The following SLC35A1 variants were observed in gnomAD, a reference collection of about 807,000 sequenced individuals.
The protein encoded by SLC35A1 is solute carrier family 35 member A1, also known as CMP-sialic acid transporter.
In SLC35A1, 21 loss-of-function variants were observed where a neutral mutation model predicts 40.3. The observed-to-expected ratio is 0.52, with a 90% CI of 0.37 to 0.75. SLC35A1 has a LOEUF of 0.75. Ranked by LOEUF, SLC35A1 falls within the 30% of genes least tolerant of loss-of-function variation. The pLI is 0.00. For synonymous variants in SLC35A1, 146 were observed against 147.3 expected, an observed-to-expected ratio of 0.99 and a Z score of 0.06; for missense variants, 297 against 382.1, an observed-to-expected ratio of 0.78 and a Z score of 1.86.
chr6:87,475,420 C>T (rs1769039619), intron 1 of SLC35A1, among the ~76,000 whole-genome samples: 1 of 152,122 alleles, frequency 6.6e-6, no homozygotes, highest in Non-Finnish European at 1.5e-5. Flanking sequence ...TATTTCTTCC[C>T]TTGTGTAGGA....
At chr6:87,498,510 A>G (rs1769810865) in intron 2 of SLC35A1, among the ~76,000 whole-genome samples, 1 of 152,188 alleles carries the variant, frequency 6.6e-6, no homozygotes, top group Non-Finnish European at 1.5e-5. Flanking sequence ...GCAGTGGCTC[A>G]TGCCTGTAAT....
chr6:87,484,110 G>A (rs1354881941), intron 2 of SLC35A1, among the ~76,000 whole-genome samples: 1 of 152,198 alleles, frequency 6.6e-6, no homozygotes, highest in Non-Finnish European at 1.5e-5. Context: ...AGTCATTGCT[G>A]TGGTATGTGA....
rs111306819 is a variant in SLC35A1 at position 87,476,322 on chromosome 6, C to G, written c.17-1040C>G. 9.7e-3 allele frequency among the ~76,000 whole-genome samples: 1,479 copies of G among 152,334 alleles called. 12 individuals are homozygous for G. Among genetic ancestry groups the G allele is most frequent in the African/African-American group, 0.034 (1,420 of 41,562 alleles). On this transcript the variant is annotated intron_variant, in intron 1 of 7. Coordinates refer to ENST00000369552, the MANE Select transcript of SLC35A1 (RefSeq NM_006416.5). ...AAAAAGTTTTATATTAAGCCCCACT[C>G]ATTTCTCAATTATTATTTTCTTTCT...
At chr6:87,501,744 C>G (rs541151805) in intron 4 of SLC35A1, among the ~76,000 whole-genome samples, 2 of 152,340 alleles carry the variant, frequency 1.3e-5, no homozygotes, top group Admixed American at 1.3e-4. Context: ...TTCATCTTCT[C>G]TCTCAACTGT....
At position 87,511,456 on chromosome 6, in the gene SLC35A1, TA is replaced by T; in HGVS notation, c.945del (p.Leu315PhefsTer29). 1.2e-6 allele frequency: 2 copies of T among 1,613,018 alleles called. No individual in the cohort carries two copies. The highest frequency in any genetic ancestry group is 1.7e-6 in the Non-Finnish European group (2 of 1,179,008). ...LVCVSIYLYGLPRQDTTSIQQ... is the reference protein window; with the variant it reads ...LVCVSIYLYGXPRQDTTSIQQ... ...TGTGTTTCCATATATCTCTATGGAT[TA>T]CCCAGACAAGACACTACATCCATCC... On this transcript the variant is annotated frameshift_variant, in exon 8 of 8. Coordinates refer to ENST00000369552, the MANE Select transcript of SLC35A1 (RefSeq NM_006416.5). LOFTEE classifies it high-confidence loss of function.
chr6:87,497,785 G>A (rs1454133502), intron 2 of SLC35A1, among the ~76,000 whole-genome samples: 1 of 152,066 alleles, frequency 6.6e-6, no homozygotes, highest in Non-Finnish European at 1.5e-5. Context: ...CTGGAGTGCA[G>A]TGGTGGCATC....
intron 5 of SLC35A1, chr6:87,506,851 T>A (rs1050343317): frequency 8.2e-6 from 2 of 244,446 alleles, no homozygotes; most frequent in Admixed American, 1.0e-4. Context: ...TTTTCCCCTA[T>A]AACCTCAAGT....
At position 87,477,486 on chromosome 6, in the gene SLC35A1, C is replaced by T. The variant is rs762355511; in HGVS notation, c.141C>T (p.Ala47=). ...AAGAACTCTACTTTTCAACCACAGCCGTGTGTATCACAGAAGTTATAAAGT... is the reference window on the plus strand; with the variant it reads ...AAGAACTCTACTTTTCAACCACAGCTGTGTGTATCACAGAAGTTATAAAGT... ...SDKELYFSTT[A]VCITEVIKLL... The change falls in exon 2 of 8, where the codon GCC becomes GCT. Residue 47 remains alanine (A), a synonymous_variant. Transcript: ENST00000369552. 15 of 1,613,922 alleles carry T rather than the reference C, an allele frequency of 9.3e-6. No individual in the cohort carries two copies. Among genetic ancestry groups the T allele is most frequent in the South Asian group, 5.5e-5 (5 of 91,070 alleles).
chr6:87,498,773 AAAAAC>A (rs1032391922), intron 2 of SLC35A1, among the ~76,000 whole-genome samples: 6 of 152,320 alleles, frequency 3.9e-5, no homozygotes, highest in South Asian at 2.1e-4. Context: ...CCGTCTCAAA[AAAAAC>A]AAAACAAAAC....
chr6:87,502,888 A>G (rs1436653164), intron 4 of SLC35A1, among the ~76,000 whole-genome samples: 1 of 152,200 alleles, frequency 6.6e-6, no homozygotes, highest in Non-Finnish European at 1.5e-5. Flanking sequence ...TCAGGACTGG[A>G]ATAGACTCTC....
At chr6:87,497,897 T>C (rs1268716199) in intron 2 of SLC35A1, among the ~76,000 whole-genome samples, 1 of 149,542 alleles carries the variant, frequency 6.7e-6, no homozygotes, top group East Asian at 1.9e-4. Context: ...CCTGGCAGTT[T>C]TTTTTTTTTT....
In SLC35A1 at chr6:87,511,538, C is replaced by A. The variant is rs144404752; in HGVS notation, c.*12C>A. The A allele has an allele frequency of 6.2e-7, 1 of 1,613,662 alleles. No individual in the cohort carries two copies. The highest frequency in any genetic ancestry group is 8.5e-7 in the Non-Finnish European group (1 of 1,179,696). On this transcript the variant is annotated 3_prime_UTR_variant, in exon 8 of 8. Transcript: ENST00000369552. ...TTATTGGTGTGTGATTTTAGCCTCA[C>A]GTGAGACTCCTTTTAAGACTAAACC... is the stretch of plus-strand genomic sequence containing the variant.
At chr6:87,480,674 C>T (rs961356602) in intron 2 of SLC35A1, among the ~76,000 whole-genome samples, 81 of 152,270 alleles carry the variant, frequency 5.3e-4, no homozygotes, top group African/African-American at 1.9e-3. Context: ...ACTTCTGCTC[C>T]TAAACCATAG....
chr6:87,500,393 G>A, intron 2 of SLC35A1, 115 bp from the exon 3 acceptor site: 1 of 988,530 alleles, frequency 1.0e-6, no homozygotes, highest in Non-Finnish European at 1.6e-6. Context: ...TTATTAGTTT[G>A]CTAAATTACA....
At position 87,512,227 on chromosome 6, in the gene SLC35A1, T is replaced by TTTA. The variant is rs1234564378; in HGVS notation, c.*703_*704insATT. The TTTA allele has an allele frequency of 6.5e-6, 1 of 152,760 alleles. No individual in the cohort carries two copies. Among genetic ancestry groups the TTTA allele is most frequent in the East Asian group, 1.9e-4 (1 of 5,204 alleles). 9.5% of individuals were successfully genotyped at this position (152,760 alleles called of 1,614,324 possible). A position where few individuals can be genotyped will look rare whatever the true frequency, so the allele number is the denominator to read the frequency against. ...AAAATTTCTAATGTCACTTTTGTAC[T>TTTA]TTTTTAAATAAAGTATGTTTAACTG... On this transcript the variant is annotated 3_prime_UTR_variant, in exon 8 of 8. Coordinates refer to ENST00000369552, the MANE Select transcript of SLC35A1 (RefSeq NM_006416.5).
At position 87,492,933 on chromosome 6, in the gene SLC35A1, T is replaced by C. The variant is rs1397642961; in HGVS notation, c.195-7575T>C. Among the ~76,000 whole-genome samples, 6 of 152,284 alleles carry C rather than the reference T, an allele frequency of 3.9e-5. No homozygotes were observed. The East Asian group carries it at 1.2e-3, about 29-fold the overall frequency. On this transcript the variant is annotated intron_variant, in intron 2 of 7. Coordinates refer to ENST00000369552, the MANE Select transcript of SLC35A1 (RefSeq NM_006416.5). ...GTTTTCTCTTTGTTATTAACAAGTG[T>C]CTTTTGGAGAGATACTTTGAGACGA...
intron 4 of SLC35A1, among the ~76,000 whole-genome samples, chr6:87,503,295 G>A (rs1391070009): frequency 6.6e-6 from 1 of 152,200 alleles, no homozygotes; most frequent in Non-Finnish European, 1.5e-5. Context: ...CTGAAGACTT[G>A]ACTACGGCTG....
chr6:87,509,301 C>T (rs188990106), intron 7 of SLC35A1, 126 bp downstream of exon 7: 55 of 1,171,448 alleles, frequency 4.7e-5, no homozygotes, highest in African/African-American at 2.1e-4. Flanking sequence ...TTTGTTACTA[C>T]AGTTTATTCC....
chr6:87,502,594 G>A (rs13213812), intron 4 of SLC35A1, among the ~76,000 whole-genome samples: 5,554 of 152,214 alleles, frequency 0.036, 120 homozygotes, highest in Middle Eastern at 0.054. Context: ...TAAGTTTAGC[G>A]TACCTAAACA....
Sources: gnomAD v4.1 joint callset for allele counts (sites outside exome capture counted in the v4.1 genomes callset) on GRCh38, gnomAD v4.1.1 for gene constraint, MANE v1.5 for transcripts, NCBI Gene and HGNC (gene_info 2026-07-23, HGNC 2026-07-21) for gene names.